Variants in TBC1D2B observed in about 807,000 individuals in gnomAD.
The protein encoded by TBC1D2B is TBC1 domain family member 2B, also known as TBC1 domain family, member 2B.
TBC1D2B carries 64 observed loss-of-function variants against 100.8 expected under a neutral mutation model. That is an observed-to-expected ratio of 0.64 (90% CI 0.52 to 0.78). The LOEUF is 0.78. Among genes scored for constraint, TBC1D2B ranks in the 30% least tolerant of loss-of-function variants. The pLI, the probability that TBC1D2B is intolerant of heterozygous loss-of-function variation, is 0.00. For synonymous variants in TBC1D2B, 480 were observed against 479.7 expected (o/e 1.00, Z -0.01); for missense variants, 1,052 against 1,218.4 (o/e 0.86, Z 2.03).
At position 77,998,151 on chromosome 15, in the gene TBC1D2B, C is replaced by CG. The variant is rs972550183; in HGVS notation, c.*8dup. 13 of 1,504,098 alleles carry CG rather than the reference C, an allele frequency of 8.6e-6. No homozygotes were observed. Among genetic ancestry groups the CG allele is most frequent in the Admixed American group, 6.8e-5 (3 of 44,188 alleles). 93.2% of individuals were successfully genotyped at this position (1,504,098 alleles called of 1,614,324 possible). ...TGTGAAGGAAGGAAGAGCAGCATCCCGAGCCCACTCAGGTATCCTCCTCCT... is the reference window on the plus strand; with the variant it reads ...TGTGAAGGAAGGAAGAGCAGCATCCCGGAGCCCACTCAGGTATCCTCCTCCT... On this transcript the variant is annotated 3_prime_UTR_variant, in exon 13 of 13. Transcript: ENST00000300584.
In TBC1D2B at chr15:78,013,100, G is replaced by A; in HGVS notation, c.1993C>T (p.His665Tyr). The A allele has an allele frequency of 6.2e-7, 1 of 1,613,998 alleles. No individual in the cohort carries two copies. The highest frequency in any genetic ancestry group is 8.5e-7 in the Non-Finnish European group (1 of 1,179,900). ...TTCCACACCTTGGAACGGTGCTCGT[G>A]GGGAATGCCCGCACGGATGAGGTTT... ...LKNLIRAGIP[H>Y]EHRSKVWKWC... The change falls in exon 9 of 13, where the codon CAC (histidine) becomes TAC (tyrosine). Residue 665 changes from histidine to tyrosine, a missense_variant. This residue lies in a region of TBC1D2B where 373 missense variants were observed against 464.9 expected (regional missense o/e 0.80). Transcript: ENST00000300584.
intron 9 of TBC1D2B, among the ~76,000 whole-genome samples, chr15:78,011,651 T>G (rs1209109007): frequency 5.3e-5 from 7 of 131,262 alleles, no homozygotes; most frequent in African/African-American, 1.6e-4. Flanking sequence ...TTTGGTTTTT[T>G]TTTTTTTTTT....
chr15:78,063,965 C>T (rs2073603599), intron 1 of TBC1D2B, among the ~76,000 whole-genome samples: 1 of 152,116 alleles, frequency 6.6e-6, no homozygotes, highest in Admixed American at 6.6e-5. Context: ...TCAGTCTCTC[C>T]TCTCCAAACT....
chr15:78,024,285 G>T lies in TBC1D2B; in HGVS notation c.1341C>A (p.Ile447=). ...NEQLGMLMET[I]QAKDEVIIKL... ...TGATGATGACCTCGTCCTTGGCTTG[G>T]ATGGTCTCCATGAGCATTCCCAGCT... The change falls in exon 6 of 13, where the codon ATC becomes ATA. Residue 447 remains isoleucine, a synonymous_variant. Transcript: ENST00000300584. 2 of 1,614,054 alleles carry T rather than the reference G, an allele frequency of 1.2e-6. No individual in the cohort carries two copies. The highest frequency in any genetic ancestry group is 1.7e-6 in the Non-Finnish European group (2 of 1,179,904).
intron 1 of TBC1D2B, among the ~76,000 whole-genome samples, chr15:78,075,898 A>G (rs1419513811): frequency 6.6e-6 from 1 of 152,206 alleles, no homozygotes; most frequent in Non-Finnish European, 1.5e-5. Flanking sequence ...AACAGTCCTC[A>G]GCTCACAAGG....
chr15:78,035,704 C>A (rs2072927661), intron 3 of TBC1D2B, among the ~76,000 whole-genome samples: 2 of 152,198 alleles, frequency 1.3e-5, no homozygotes, highest in Admixed American at 1.3e-4. Context: ...TATATTCTCA[C>A]AAGGGCACAG....
chr15:78,015,078 G>A (rs57993009), intron 8 of TBC1D2B, among the ~76,000 whole-genome samples: 8,697 of 152,206 alleles, frequency 0.057, 355 homozygotes, highest in East Asian at 0.23. Context: ...GTGGGCGCCT[G>A]TAGTCCCAGC....
rs1390612877 is a variant in TBC1D2B at position 78,012,802 on chromosome 15, C to T, written c.2270+21G>A. ...CAAGTTGCCTAATGGCAAATGGGAA[C>T]ATTTTGTGCTGTGCACCCACCTGTT... On this transcript the variant is annotated intron_variant, in intron 9 of 12. Transcript: ENST00000300584. 5 of 1,435,524 alleles carry T rather than the reference C, an allele frequency of 3.5e-6. No homozygotes were observed. The African/African-American group carries it at 7.1e-5, about 20-fold the overall frequency. 88.9% of individuals were successfully genotyped at this position (1,435,524 alleles called of 1,614,324 possible). A position where few individuals can be genotyped will look rare whatever the true frequency, so the allele number is the denominator to read the frequency against.
chr15:78,074,527 A>G (rs1567037931), intron 1 of TBC1D2B, among the ~76,000 whole-genome samples: 1 of 152,242 alleles, frequency 6.6e-6, no homozygotes, highest in Non-Finnish European at 1.5e-5. Flanking sequence ...ATAGCATAAT[A>G]GGACAAACAC....
intron 10 of TBC1D2B, among the ~76,000 whole-genome samples, chr15:78,007,552 T>C (rs910252104): frequency 6.6e-6 from 1 of 152,104 alleles, no homozygotes; most frequent in Non-Finnish European, 1.5e-5. Context: ...GAGGCAATAA[T>C]GAGGACCCTC....
chr15:78,071,090 G>T (rs2073736081), intron 1 of TBC1D2B, among the ~76,000 whole-genome samples: 1 of 152,178 alleles, frequency 6.6e-6, no homozygotes. Context: ...CCAAAGTGCT[G>T]GGATTACAGG....
intron 1 of TBC1D2B, among the ~76,000 whole-genome samples, chr15:78,063,010 C>A (rs1189884326): frequency 6.6e-6 from 1 of 152,130 alleles, no homozygotes; most frequent in Admixed American, 6.5e-5. Flanking sequence ...ATAATAGGAA[C>A]CTACTTCATG....
rs556695991 is a variant in TBC1D2B, at chr15:78,001,186, C to T, written c.2696+433G>A. Among the ~76,000 whole-genome samples, 30 of 152,286 alleles carry T rather than the reference C, an allele frequency of 2.0e-4. 2 individuals are homozygous for T. The South Asian group carries it at 5.4e-3, about 27-fold the overall frequency. The stretch of plus-strand genomic sequence containing the variant: ...ATACTGTTTCCTTGCTGCCCCTTGC[C>T]CAGCTTATTTGGCCTTTCTCCGGCC... On this transcript the variant is annotated intron_variant, in intron 12 of 12. Transcript: ENST00000300584.
intron 1 of TBC1D2B, among the ~76,000 whole-genome samples, chr15:78,067,073 C>A (rs12898535): frequency 0.89 from 135,277 of 152,270 alleles, 60,793 homozygotes; most frequent in East Asian, 0.99. Context: ...TAATGGATTA[C>A]GACAGATATA....
At chr15:78,015,608 C>T (rs1301170339) in intron 8 of TBC1D2B, among the ~76,000 whole-genome samples, 1 of 152,206 alleles carries the variant, frequency 6.6e-6, no homozygotes, top group Admixed American at 6.5e-5. Context: ...GGGAACCCGA[C>T]TATCCAGGCT....
In TBC1D2B at chr15:78,025,566, G is replaced by A. The variant is rs1265490565; in HGVS notation, c.848-69C>T. ...TTTTGAGACGGAGTGTCGGTCTGTCGCCCAGGCTGGAGTGCAGTGGCGCAA... is the reference window on the plus strand; with the variant it reads ...TTTTGAGACGGAGTGTCGGTCTGTCACCCAGGCTGGAGTGCAGTGGCGCAA... On this transcript the variant is annotated intron_variant, in intron 4 of 12. Coordinates refer to ENST00000300584, the MANE Select transcript of TBC1D2B (RefSeq NM_144572.2). 5.1e-5 allele frequency: 64 copies of A among 1,244,594 alleles called. No individual in the cohort carries two copies. In the South Asian group the frequency reaches 6.3e-4, roughly 12 times the overall value. 77.1% of individuals were successfully genotyped at this position (1,244,594 alleles called of 1,614,324 possible). A position where few individuals can be genotyped will look rare whatever the true frequency, so the allele number is the denominator to read the frequency against.
rs187225951 is a variant in TBC1D2B at position 78,029,114 on chromosome 15, T to C, written c.847+893A>G. On this transcript the variant is annotated intron_variant, in intron 4 of 12. Transcript: ENST00000300584. ...GTCTGTCACCCAGGCTAGAGTGCAG[T>C]GGCGCGATCTCCACTCACTGCAAGC... 7.2e-5 allele frequency among the ~76,000 whole-genome samples: 11 copies of C among 151,870 alleles called. No homozygotes were observed. The East Asian group carries it at 2.1e-3, about 29-fold the overall frequency.
intron 1 of TBC1D2B, among the ~76,000 whole-genome samples, chr15:78,068,037 C>T (rs2073686471): frequency 1.3e-5 from 2 of 152,234 alleles, no homozygotes. Context: ...TAGTATTTTA[C>T]ATATGGATGC....
chr15:78,013,398 G>A lies in TBC1D2B; in HGVS notation c.1776-81C>T, dbSNP rs576562537. On this transcript the variant is annotated intron_variant, in intron 8 of 12. Transcript: ENST00000300584. ...CAATGCAACAGAAATAGAGAGTCTA[G>A]AAACCAAATCAGGCACACGTGGTAC... 7.6e-5 allele frequency: 102 copies of A among 1,341,568 alleles called. No individual in the cohort carries two copies. In the South Asian group the frequency reaches 1.4e-3, roughly 19 times the overall value. 83.1% of individuals were successfully genotyped at this position (1,341,568 alleles called of 1,614,324 possible).
Sources: allele counts gnomAD v4.1 joint callset (sites outside exome capture counted in the v4.1 genomes callset), GRCh38; gene constraint gnomAD v4.1.1; regional missense constraint gnomAD v4.1.1; transcripts MANE v1.5; gene names NCBI Gene and HGNC (gene_info 2026-07-23, HGNC 2026-07-21).